The following CDKN2B-AS1 variants were observed in gnomAD, a reference collection of about 807,000 sequenced individuals.
CDKN2B-AS1 encodes the protein CDKN2B and CDKN2A antisense cis and trans regulatory RNA 1, also known as CDKN2B antisense RNA 1 (non-protein coding).
Position 22,126,710 on chromosome 9 carries a change from C to G in CDKN2B-AS1, n.439-393C>G, listed in dbSNP as rs189731370. Among the ~76,000 whole-genome samples the G allele has an allele frequency of 1.3e-4, 19 of 150,900 alleles. No individual in the cohort carries two copies. In the East Asian group the frequency reaches 3.2e-3, roughly 25 times the overall value. Reference sequence around the variant, plus strand: ...GCCTCAGCCTCCCGAGTAGCTGGGACTACAGGCGCCCGCCACTGCACCCGG... The same window carrying G: ...GCCTCAGCCTCCCGAGTAGCTGGGAGTACAGGCGCCCGCCACTGCACCCGG... On this transcript the variant is annotated intron_variant and non_coding_transcript_variant, in intron 4 of 4. Coordinates refer to ENST00000650946, the Ensembl canonical transcript of CDKN2B-AS1.
At chr9:22,123,108 C>T (rs753229986) in intron 4 of CDKN2B-AS1, among the ~76,000 whole-genome samples, 38 of 152,048 alleles carry the variant, frequency 2.5e-4, no homozygotes, top group African/African-American at 5.3e-4. Flanking sequence ...TTATTGTTTT[C>T]GTAGCTATTG....
chr9:22,008,807 G>C (rs772483505), intron 1 of CDKN2B-AS1: 1 of 1,604,794 alleles, frequency 6.2e-7, no homozygotes, highest in Non-Finnish European at 8.5e-7. Context: ...CCTGGATCGC[G>C]CGCCTCCCGA....
chr9:22,054,524 G>T (rs887731905), intron 3 of CDKN2B-AS1, among the ~76,000 whole-genome samples: 14 of 151,896 alleles, frequency 9.2e-5, no homozygotes, highest in African/African-American at 3.1e-4. Context: ...TTATTTAAGA[G>T]ATTTATTCTT....
chr9:22,063,798 G>T (rs1823922316), intron 4 of CDKN2B-AS1: 1 of 152,390 alleles, frequency 6.6e-6, no homozygotes, highest in African/African-American at 2.4e-5. Context: ...AGTTTGGAGA[G>T]CAGACGTGTG....
intron 1 of CDKN2B-AS1, chr9:22,030,273 CA>C (rs1822415288): frequency 2.0e-5 from 3 of 152,116 alleles, no homozygotes; most frequent in Admixed American, 6.6e-5. Context: ...GGAGGTTATA[CA>C]GGGGAAGTAG....
chr9:22,087,198 C>T (rs991137296), intron 4 of CDKN2B-AS1, among the ~76,000 whole-genome samples: 1 of 152,148 alleles, frequency 6.6e-6, no homozygotes, highest in Non-Finnish European at 1.5e-5. Flanking sequence ...ATATGGGAAA[C>T]TTTAAGGTAA....
At chr9:22,040,312 C>G (rs749322395) in intron 1 of CDKN2B-AS1, among the ~76,000 whole-genome samples, 1 of 151,922 alleles carries the variant, frequency 6.6e-6, no homozygotes, top group Non-Finnish European at 1.5e-5. Context: ...GGAAATGGAG[C>G]CTCATAGAAA....
chr9:22,005,786 T>C lies in CDKN2B-AS1; in HGVS notation n.29+10625T>C. 1.5e-6 allele frequency: 1 copy of C among 661,890 alleles called. No individual in the cohort carries two copies. Among genetic ancestry groups the C allele is most frequent in the Non-Finnish European group, 2.6e-6 (1 of 381,630 alleles). 41.0% of individuals were successfully genotyped at this position (661,890 alleles called of 1,614,324 possible). On this transcript the variant is annotated intron_variant and non_coding_transcript_variant, in intron 1 of 4. Coordinates refer to ENST00000650946, the Ensembl canonical transcript of CDKN2B-AS1. This position sits in a 1 kb window ranked among gnomAD's most constrained non-coding sequence, Gnocchi z 4.9. Reference sequence around the variant, plus strand: ...TCTGTGTTTCGCTTCATGGTGAGTGTCGAGGGCCAGATAAGACAAAGAAAA... The same window carrying C: ...TCTGTGTTTCGCTTCATGGTGAGTGCCGAGGGCCAGATAAGACAAAGAAAA...
At chr9:22,121,855 A>T (rs749497016) in intron 4 of CDKN2B-AS1, among the ~76,000 whole-genome samples, 11 of 152,118 alleles carry the variant, frequency 7.2e-5, no homozygotes, top group Non-Finnish European at 1.6e-4. Context: ...TGCAATAAAC[A>T]TGGTCTGTAG....
rs567609105 is a variant in CDKN2B-AS1, at chr9:22,006,302, C to G, written n.29+11141C>G. The G allele has an allele frequency of 6.1e-5, 97 of 1,596,652 alleles. No homozygotes were observed. In the East Asian group the frequency reaches 1.7e-3, roughly 28 times the overall value. On this transcript the variant is annotated intron_variant and non_coding_transcript_variant, in intron 1 of 4. Transcript: ENST00000650946. This position sits in a 1 kb window ranked among gnomAD's most constrained non-coding sequence, Gnocchi z 6.4. ...AGGGTGGGGGCAGGTATGGGAGATG[C>G]CGGCCGGGGCAAGGCAGGTGGAGCC...
At chr9:22,068,144 C>T (rs1460019458) in intron 4 of CDKN2B-AS1, among the ~76,000 whole-genome samples, 1 of 152,164 alleles carries the variant, frequency 6.6e-6, no homozygotes, top group African/African-American at 2.4e-5. Context: ...TCTCCCTTTT[C>T]CCCTACTTGT....
At chr9:22,110,097 T>C (rs1398928050) in intron 4 of CDKN2B-AS1, among the ~76,000 whole-genome samples, 1 of 152,192 alleles carries the variant, frequency 6.6e-6, no homozygotes, top group Admixed American at 6.5e-5. Context: ...ATTTTACAAT[T>C]CTATTATTTT....
At chr9:22,008,765 C>A in intron 1 of CDKN2B-AS1, 2 of 1,609,748 alleles carry the variant, frequency 1.2e-6, no homozygotes, top group Non-Finnish European at 1.7e-6. Flanking sequence ...GTTCGCGCGC[C>A]CCCTGCCGGC....
intron 1 of CDKN2B-AS1, chr9:22,009,277 C>T (rs958302283): frequency 1.8e-5 from 9 of 498,984 alleles, no homozygotes; most frequent in African/African-American, 1.8e-4. Context: ...TCGCGGAGTC[C>T]TCACTGCCCC....
At chr9:22,024,402 G>A (rs1040663809) in intron 1 of CDKN2B-AS1, among the ~76,000 whole-genome samples, 1 of 152,202 alleles carries the variant, frequency 6.6e-6, no homozygotes, top group African/African-American at 2.4e-5. Context: ...GCTAGTGAAG[G>A]CAAGGCATTT....
intron 1 of CDKN2B-AS1, among the ~76,000 whole-genome samples, chr9:21,998,685 A>G (rs1820793064): frequency 2.0e-5 from 3 of 152,194 alleles, no homozygotes; most frequent in Admixed American, 2.0e-4. Context: ...AATTCATTCC[A>G]TAGGCAGGGA....
chr9:22,008,684 AC>A, intron 1 of CDKN2B-AS1: 1 of 1,609,858 alleles, frequency 6.2e-7, no homozygotes, highest in African/African-American at 1.3e-5. Flanking sequence ...CCTCCGGCCA[AC>A]GGAGACTCCT....
intron 1 of CDKN2B-AS1, among the ~76,000 whole-genome samples, chr9:22,002,222 C>A (rs1820950164): frequency 6.6e-6 from 1 of 151,884 alleles, no homozygotes; most frequent in Admixed American, 6.6e-5. Flanking sequence ...TGAGGGCAGA[C>A]CTCACTGTAC....
In CDKN2B-AS1 at chr9:22,064,221, T is replaced by C. The variant is rs144005623; in HGVS notation, n.438+7834T>C. ...TCTTGAAGAATGTGATCAGGAGGTA[T>C]TTCTAATGACACAAACATAGAAGTA... On this transcript the variant is annotated intron_variant and non_coding_transcript_variant, in intron 4 of 4. Transcript: ENST00000650946. Among the ~76,000 whole-genome samples, 301 of 152,234 alleles carry C rather than the reference T, an allele frequency of 2.0e-3. 4 individuals are homozygous for C. The highest frequency in any genetic ancestry group is 6.8e-3 in the African/African-American group (284 of 41,530).
Sources: gnomAD v4.1 joint callset for allele counts (sites outside exome capture counted in the v4.1 genomes callset) on GRCh38, gnomAD v4.1.1 for gene constraint, Gnocchi (gnomAD v3.1) non-coding constraint, MANE v1.5 for transcripts, NCBI Gene and HGNC (gene_info 2026-07-23, HGNC 2026-07-21) for gene names.